SLFN12L: variants seen among roughly 807,000 people sequenced by gnomAD.
SLFN12L encodes schlafen family member 12-like.
SLFN12L carries 34 observed loss-of-function variants against 34.8 expected under a neutral mutation model. The ratio of observed to expected loss-of-function variants is 0.98; its 90% CI spans 0.74 to 1.30. SLFN12L has a LOEUF of 1.30. Ranked by LOEUF, SLFN12L falls within the 50% of genes most tolerant of loss-of-function variation. The pLI, the probability that SLFN12L is intolerant of heterozygous loss-of-function variation, is 0.00. For synonymous variants in SLFN12L, 259 were observed against 247.5 expected, an observed-to-expected ratio of 1.05 and a Z score of -0.44; for missense variants, 703 against 696.2, an observed-to-expected ratio of 1.01 and a Z score of -0.11.
At chr17:35,495,985 C>T (rs1915054945) in intron 2 of SLFN12L, among the ~76,000 whole-genome samples, 1 of 151,664 alleles carries the variant, frequency 6.6e-6, no homozygotes, top group African/African-American at 2.4e-5. Context: ...ACAGCGCCTT[C>T]GGGGGCATTT....
rs12449487 is a variant in SLFN12L at position 35,465,530 on chromosome 17, G to A, written c.*9393C>T. Among the ~76,000 whole-genome samples, 20,397 of 151,574 alleles carry A rather than the reference G, an allele frequency of 0.13. 1,496 individuals are homozygous for A. The highest frequency in any genetic ancestry group is 0.26 in the South Asian group (1,249 of 4,792). On this transcript the variant is annotated 3_prime_UTR_variant, in exon 5 of 5. Coordinates refer to ENST00000628453, the MANE Select transcript of SLFN12L (RefSeq NM_001363830.2). ...TAAATCCCATTAAAATAGTTAATAT[G>A]GTTCAATGTAAGTTAAAATAGGCCC...
At position 35,522,581 on chromosome 17, in the gene SLFN12L, A is replaced by G. The variant is rs7213293; in HGVS notation, c.-217T>C. 28,473 of 1,608,140 alleles carry G rather than the reference A, an allele frequency of 0.018. 690 individuals are homozygous for G. Among genetic ancestry groups the G allele is most frequent in the African/African-American group, 0.11 (7,855 of 74,670 alleles). On this transcript the variant is annotated 5_prime_UTR_variant, in exon 2 of 5. Coordinates refer to ENST00000628453, the MANE Select transcript of SLFN12L (RefSeq NM_001363830.2). ...CTTCCAATGTGCTGGGTGCCTGCAA[A>G]ACTATAGGACGCAGGGTAATCCATC... is the stretch of plus-strand genomic sequence containing the variant.
chr17:35,494,205 A>G (rs560106065), intron 2 of SLFN12L, among the ~76,000 whole-genome samples: 268 of 149,260 alleles, frequency 1.8e-3, no homozygotes, highest in African/African-American at 6.4e-3. Context: ...GCTAGTTTAA[A>G]AAAGAAAATA....
At chr17:35,508,295 C>T (rs899806746) in intron 2 of SLFN12L, among the ~76,000 whole-genome samples, 1 of 152,148 alleles carries the variant, frequency 6.6e-6, no homozygotes, top group Non-Finnish European at 1.5e-5. Context: ...GCTGATGCTC[C>T]CAGTGGAGTA....
chr17:35,479,420 C>G lies in SLFN12L; in HGVS notation c.862G>C (p.Glu288Gln). ...YLFVGLNEDK[E>Q]VIGFKAEKSY... The stretch of plus-strand genomic sequence containing the variant: ...TTCTCTGCTTTAAAGCCAATTACTT[C>G]TTTATCTTCATTTAGACCAACGAAT... Residue 288 changes from glutamate to glutamine, a missense_variant, in exon 3 of 5, where the codon GAA (glutamate) becomes CAA (glutamine). Transcript: ENST00000628453. The G allele has an allele frequency of 6.2e-7, 1 of 1,613,926 alleles. No individual in the cohort carries two copies. The highest frequency in any genetic ancestry group is 8.5e-7 in the Non-Finnish European group (1 of 1,179,876).
intron 2 of SLFN12L, among the ~76,000 whole-genome samples, chr17:35,509,157 G>C (rs1215525247): frequency 1.3e-5 from 2 of 152,204 alleles, no homozygotes; most frequent in East Asian, 1.9e-4. Context: ...AACTAAGGTA[G>C]TGACAGTGGA....
chr17:35,537,179 C>CA lies in SLFN12L; in HGVS notation c.-606+393dup, dbSNP rs1044677321. On this transcript the variant is annotated intron_variant, in intron 1 of 4. Coordinates refer to ENST00000628453, the MANE Select transcript of SLFN12L (RefSeq NM_001363830.2). The stretch of plus-strand genomic sequence containing the variant: ...TGGGCGAAAGAGTGAGAACCTGTCT[C>CA]AAAAAAAAAAGAGAATCTTCACAGG... Among the ~76,000 whole-genome samples the CA allele has an allele frequency of 3.3e-4, 49 of 147,076 alleles. 1 individual carries two copies. The highest frequency in any genetic ancestry group is 2.6e-3 in the East Asian group (13 of 5,028).
In SLFN12L at chr17:35,465,561, G is replaced by A. The variant is rs145564406; in HGVS notation, c.*9362C>T. 4.3e-4 allele frequency among the ~76,000 whole-genome samples: 66 copies of A among 151,750 alleles called. 1 individual carries two copies. Among genetic ancestry groups the A allele is most frequent in the Non-Finnish European group, 8.7e-4 (59 of 67,948 alleles). ...ATGTAAGTTAAAATAGGCCCTTGAA[G>A]GATTGAAAGTTGTTACATAAAACCT... is the stretch of plus-strand genomic sequence containing the variant. On this transcript the variant is annotated 3_prime_UTR_variant, in exon 5 of 5. Coordinates refer to ENST00000628453, the MANE Select transcript of SLFN12L (RefSeq NM_001363830.2).
chr17:35,531,720 G>A (rs1029153728), intron 1 of SLFN12L, among the ~76,000 whole-genome samples: 3 of 152,182 alleles, frequency 2.0e-5, no homozygotes, highest in South Asian at 2.1e-4. Context: ...AGGTTCAAGT[G>A]AGTCTCCTGC....
intron 2 of SLFN12L, among the ~76,000 whole-genome samples, chr17:35,500,719 A>G (rs895250923): frequency 2.2e-5 from 3 of 136,402 alleles, no homozygotes; most frequent in Non-Finnish European, 4.7e-5. Flanking sequence ...ACAGAGCGAG[A>G]CTCTGTCTCA....
intron 3 of SLFN12L, 136 bp downstream of exon 3, chr17:35,478,980 AG>A (rs1914160497): frequency 1.6e-6 from 1 of 631,068 alleles, no homozygotes; most frequent in Non-Finnish European, 2.7e-6. Flanking sequence ...AACAAGAGGC[AG>A]GGAAGTATTG....
intron 1 of SLFN12L, among the ~76,000 whole-genome samples, chr17:35,531,588 C>A (rs574410203): frequency 6.6e-6 from 1 of 151,810 alleles, no homozygotes; most frequent in Admixed American, 6.6e-5. Context: ...TTCATATTGG[C>A]AACTCTCTTC....
intron 1 of SLFN12L, among the ~76,000 whole-genome samples, chr17:35,530,424 A>AGGGAG (rs1476894899): frequency 1.5e-4 from 1 of 6,696 alleles, no homozygotes. Flanking sequence ...GAAGGAAGGA[A>AGGGAG]GGAAGGGAAG....
intron 2 of SLFN12L, among the ~76,000 whole-genome samples, chr17:35,517,530 C>T (rs1187725689): frequency 6.6e-6 from 1 of 152,142 alleles, no homozygotes; most frequent in African/African-American, 2.4e-5. Flanking sequence ...ACTTTCTTTG[C>T]AGAATTAGAA....
At chr17:35,513,808 TA>T (rs1415138011) in intron 2 of SLFN12L, among the ~76,000 whole-genome samples, 2 of 152,234 alleles carry the variant, frequency 1.3e-5, no homozygotes, top group African/African-American at 4.8e-5. Context: ...GCGGTTACCT[TA>T]AAAGTTAAGT....
At chr17:35,516,436 C>T (rs1354931093) in intron 2 of SLFN12L, among the ~76,000 whole-genome samples, 1 of 152,220 alleles carries the variant, frequency 6.6e-6, no homozygotes, top group African/African-American at 2.4e-5. Flanking sequence ...AAGGATAGAA[C>T]TATACTCCTT....
At position 35,475,122 on chromosome 17, in the gene SLFN12L, C is replaced by A. The variant is rs1913924371; in HGVS notation, c.1640G>T (p.Gly547Val). ...MTKIFYLSPE[G>V]KTSCQYDLNS... Reference sequence around the variant, plus strand: ...TAAATCATACTGGCAGCTTGTCTTGCCTTCAGGGCTCAAGTAGAAGATCTT... The same window carrying A: ...TAAATCATACTGGCAGCTTGTCTTGACTTCAGGGCTCAAGTAGAAGATCTT... The change falls in exon 5 of 5, where the codon GGC becomes GTC. Residue 547 changes from glycine to valine, a missense_variant. Gly to Val is a moderately radical substitution (Grantham distance 109). Transcript: ENST00000628453. 1 of 1,614,186 alleles carries A rather than the reference C, an allele frequency of 6.2e-7. No individual in the cohort carries two copies. Among genetic ancestry groups the A allele is most frequent in the Non-Finnish European group, 8.5e-7 (1 of 1,180,046 alleles).
At chr17:35,487,724 A>G (rs1914647511) in intron 2 of SLFN12L, 4 of 1,535,954 alleles carry the variant, frequency 2.6e-6, no homozygotes, top group Non-Finnish European at 3.5e-6. Context: ...AAGAGAACGA[A>G]CCTGGCGAGG....
intron 2 of SLFN12L, among the ~76,000 whole-genome samples, chr17:35,486,556 A>G (rs1191013167): frequency 1.3e-5 from 2 of 152,178 alleles, no homozygotes; most frequent in Non-Finnish European, 2.9e-5. Context: ...TCAAAACCTC[A>G]GGCTTCAGGC....
Sources: allele counts gnomAD v4.1 joint callset (sites outside exome capture counted in the v4.1 genomes callset), GRCh38; gene constraint gnomAD v4.1.1; transcripts MANE v1.5; gene names NCBI Gene and HGNC (gene_info 2026-07-23, HGNC 2026-07-21).